Variants in ATG16L1 observed in about 807,000 individuals in gnomAD.
ATG16L1 encodes autophagy-related protein 16-1.
In ATG16L1, 37 loss-of-function variants were observed where a neutral mutation model predicts 88.5. The ratio of observed to expected loss-of-function variants is 0.42; its 90% CI spans 0.32 to 0.55. The LOEUF (loss-of-function observed/expected upper bound fraction) is 0.55. Ranked by LOEUF, ATG16L1 falls within the 20% of genes least tolerant of loss-of-function variation. The probability of loss-of-function intolerance (pLI) is 0.13; values close to 1 mark genes in which losing one functional copy is unlikely to be tolerated. For missense variants in ATG16L1, 554 were observed against 752.8 expected (o/e 0.74, Z 3.09); for synonymous variants, 301 against 281.0 (o/e 1.07, Z -0.71).
intron 5 of ATG16L1, 65 bp from the exon 6 acceptor site, chr2:233,269,937 G>A (rs933539512): frequency 3.3e-6 from 5 of 1,525,756 alleles, no homozygotes; most frequent in African/African-American, 2.8e-5. Flanking sequence ...CTTCTAGAGA[G>A]CCCAAACCCC....
At chr2:233,277,505 T>TC in intron 9 of ATG16L1, 63 bp from the exon 10 acceptor site, 1 of 1,464,066 alleles carries the variant, frequency 6.8e-7, no homozygotes, top group South Asian at 1.1e-5. Flanking sequence ...TTTGGAGTGT[T>TC]CGCGCATCTT....
At chr2:233,253,438 C>G (rs892652831) in intron 1 of ATG16L1, among the ~76,000 whole-genome samples, 2 of 150,154 alleles carry the variant, frequency 1.3e-5, no homozygotes, top group Non-Finnish European at 3.0e-5. Flanking sequence ...CTCCACCTCC[C>G]AGGTTCAAGA....
intron 5 of ATG16L1, chr2:233,266,247 C>T (rs1697572515): frequency 6.6e-6 from 1 of 152,184 alleles, no homozygotes; most frequent in Admixed American, 6.5e-5. Context: ...CGCTTGAAAC[C>T]AGGAGTTTCA....
intron 4 of ATG16L1, 138 bp downstream of exon 4, chr2:233,264,203 C>A: frequency 1.4e-6 from 1 of 734,928 alleles, no homozygotes; most frequent in Non-Finnish European, 2.3e-6. Flanking sequence ...AGTGCATACA[C>A]ACTCTGGGAT....
At chr2:233,261,251 G>A (rs1448251000) in intron 2 of ATG16L1, among the ~76,000 whole-genome samples, 3 of 152,260 alleles carry the variant, frequency 2.0e-5, no homozygotes, top group African/African-American at 4.8e-5. Flanking sequence ...CACCGCTCCC[G>A]GCCTGTTGTT....
rs781292223 is a variant in ATG16L1 at position 233,263,102 on chromosome 2, T to A, written c.210-28T>A. The A allele has an allele frequency of 5.6e-6, 9 of 1,602,098 alleles. No individual in the cohort carries two copies. The African/African-American group carries it at 1.2e-4, about 21-fold the overall frequency. On this transcript the variant is annotated intron_variant, in intron 2 of 17. Transcript: ENST00000392017. ...TTCCCCCTCCGTTTTTTGCACATTC[T>A]CTTCATCTGCCTGGTTTGCCAATTT... is the stretch of plus-strand genomic sequence containing the variant.
Position 233,281,133 on chromosome 2 carries a change from T to C in ATG16L1, c.1089T>C (p.Ser363=). The change falls in exon 11 of 18, where the codon TCT becomes TCC. Residue 363 remains serine, a synonymous_variant. Coordinates refer to ENST00000392017, the MANE Select transcript of ATG16L1 (RefSeq NM_030803.7). ...GEKCEFKGSL[S]GSNAGITSIE... ...AATGTGAGTTCAAGGGTTCCCTATC[T>C]GGCAGTAATGCAGGAATTACAAGCA... is the stretch of plus-strand genomic sequence containing the variant. The C allele has an allele frequency of 6.2e-7, 1 of 1,605,070 alleles. No homozygotes were observed. Among genetic ancestry groups the C allele is most frequent in the Non-Finnish European group, 8.5e-7 (1 of 1,177,680 alleles).
intron 2 of ATG16L1, among the ~76,000 whole-genome samples, chr2:233,257,013 TTTTTG>T (rs60165246): frequency 0.54 from 80,259 of 148,946 alleles, 22,010 homozygotes; most frequent in Non-Finnish European, 0.6. Flanking sequence ...CTTACAATTT[TTTTTG>T]TTTTGTTTTG....
intron 1 of ATG16L1, among the ~76,000 whole-genome samples, chr2:233,252,442 C>T (rs2125185752): frequency 6.6e-6 from 1 of 152,040 alleles, no homozygotes; most frequent in South Asian, 2.1e-4. Flanking sequence ...AGTGCAGTGG[C>T]GGAGATCACG....
intron 2 of ATG16L1, among the ~76,000 whole-genome samples, chr2:233,261,680 A>G (rs55926010): frequency 6.6e-6 from 1 of 151,710 alleles, no homozygotes; most frequent in Non-Finnish European, 1.5e-5. Context: ...TGAGAGGAAC[A>G]AGTGTCCAGC....
In ATG16L1 at chr2:233,292,257, T is replaced by C; in HGVS notation, c.1560T>C (p.Asn520=). 1 of 1,614,226 alleles carries C rather than the reference T, an allele frequency of 6.2e-7. No homozygotes were observed. Among genetic ancestry groups the C allele is most frequent in the Non-Finnish European group, 8.5e-7 (1 of 1,180,036 alleles). ...TAAAAGTTATTGATCTCCGAACAAA[T>C]GCTATCAAGCAGACATTCAGGTAAC... is the stretch of plus-strand genomic sequence containing the variant. ...DLLKVIDLRT[N]AIKQTFSAPG... The change falls in exon 15 of 18, where the codon AAT becomes AAC. Residue 520 remains asparagine (N), a synonymous_variant. Transcript: ENST00000392017.
intron 2 of ATG16L1, among the ~76,000 whole-genome samples, chr2:233,259,347 T>G (rs1697037720): frequency 6.6e-6 from 1 of 152,142 alleles, no homozygotes; most frequent in Non-Finnish European, 1.5e-5. Flanking sequence ...TTTGGCCCTC[T>G]GATGTCAAAA....
intron 9 of ATG16L1, chr2:233,275,913 G>A (rs773719981): frequency 7.7e-6 from 4 of 519,210 alleles, no homozygotes; most frequent in East Asian, 5.4e-5. Flanking sequence ...CACAGCTGAC[G>A]AGTATCCAAC....
At chr2:233,273,902 A>G in intron 8 of ATG16L1, 125 bp downstream of exon 8, 7 of 1,516,756 alleles carry the variant, frequency 4.6e-6, no homozygotes, top group Non-Finnish European at 5.4e-6. Flanking sequence ...ATGCCTTAAT[A>G]TCAGCTTTTC....
At chr2:233,291,169 G>A (rs1305456521) in intron 14 of ATG16L1, among the ~76,000 whole-genome samples, 1 of 152,194 alleles carries the variant, frequency 6.6e-6, no homozygotes, top group Non-Finnish European at 1.5e-5. Flanking sequence ...GTTGTAGAGA[G>A]GGTGGGGGTA....
rs201582959 is a variant in ATG16L1, at chr2:233,256,188, G to A, written c.202G>A (p.Glu68Lys). The change falls in exon 2 of 18, where the codon GAG (glutamate) becomes AAG (lysine). Residue 68 changes from glutamate to lysine, a missense_variant. Coordinates refer to ENST00000392017, the MANE Select transcript of ATG16L1 (RefSeq NM_030803.7). ...AEKHDVPNRH[E>K]ISPGHDGTWN... ...AAAGCATGACGTACCAAACAGGCAC[G>A]AGATAAGGTATTTTGAAACTAACTT... 67 of 1,613,146 alleles carry A rather than the reference G, an allele frequency of 4.2e-5. No individual in the cohort carries two copies. Among genetic ancestry groups the A allele is most frequent in the Non-Finnish European group, 3.3e-5 (39 of 1,179,302 alleles).
chr2:233,256,961 G>A (rs56110243), intron 2 of ATG16L1, among the ~76,000 whole-genome samples: 2,860 of 152,166 alleles, frequency 0.019, 95 homozygotes, highest in African/African-American at 0.065. Flanking sequence ...CTCAGCTTCC[G>A]AAAGTGTTGG....
chr2:233,272,889 T>C, intron 6 of ATG16L1, 77 bp from the exon 7 acceptor site: 2 of 1,285,012 alleles, frequency 1.6e-6, no homozygotes, highest in Admixed American at 3.5e-5. Context: ...AACTAGAAAA[T>C]GACATTAGCA....
chr2:233,270,424 A>G (rs980237966), intron 6 of ATG16L1, among the ~76,000 whole-genome samples: 1 of 152,204 alleles, frequency 6.6e-6, no homozygotes, highest in Non-Finnish European at 1.5e-5. Context: ...GAGATAGATT[A>G]TTGAAAATAA....
Sources: gnomAD v4.1 joint callset for allele counts (sites outside exome capture counted in the v4.1 genomes callset) on GRCh38, gnomAD v4.1.1 for gene constraint, MANE v1.5 for transcripts, NCBI Gene and HGNC (gene_info 2026-07-23, HGNC 2026-07-21) for gene names.